The following OSBPL8 variants were observed in gnomAD, a reference collection of about 807,000 sequenced individuals.
OSBPL8 encodes the protein oxysterol-binding protein-related protein 8.
OSBPL8 carries 59 observed loss-of-function variants against 125.5 expected under a neutral mutation model. The observed-to-expected ratio is 0.47, with a 90% confidence interval of 0.38 to 0.58. The LOEUF is 0.58. Among genes scored for constraint, OSBPL8 ranks in the 20% least tolerant of loss-of-function variants. The probability of loss-of-function intolerance (pLI) is 0.00; values close to 1 mark genes in which losing one functional copy is unlikely to be tolerated. For missense variants in OSBPL8, 758 were observed against 1,047.8 expected, an observed-to-expected ratio of 0.72 and a Z score of 3.82; for synonymous variants, 330 against 338.9, an observed-to-expected ratio of 0.97 and a Z score of 0.29.
chr12:76,428,167 T>C lies in OSBPL8; in HGVS notation c.218-17533A>G, dbSNP rs151147914. On this transcript the variant is annotated intron_variant, in intron 4 of 23. Transcript: ENST00000261183. ...CTTGCCACTGAAGAGACCAACTACA[T>C]ATATCATATATGGTCTAGTGGCTCT... 2.9e-3 allele frequency among the ~76,000 whole-genome samples: 444 copies of C among 152,148 alleles called. 2 individuals are homozygous for C. Among genetic ancestry groups the C allele is most frequent in the African/African-American group, 0.01 (427 of 41,542 alleles).
chr12:76,511,703 T>C (rs752372587), intron 1 of OSBPL8, among the ~76,000 whole-genome samples: 3 of 152,246 alleles, frequency 2.0e-5, no homozygotes, highest in Non-Finnish European at 4.4e-5. Context: ...CAGTTTCTTT[T>C]GCTGTGCAGA....
At chr12:76,410,749 C>T (rs957378024) in intron 4 of OSBPL8, 115 bp from the exon 5 acceptor site, 3 of 658,592 alleles carry the variant, frequency 4.6e-6, no homozygotes, top group African/African-American at 3.6e-5. Flanking sequence ...CCTGTACACA[C>T]AGCTTTAAAC....
chr12:76,375,577 C>T (rs1036275180), intron 16 of OSBPL8, among the ~76,000 whole-genome samples: 1 of 151,988 alleles, frequency 6.6e-6, no homozygotes, highest in Admixed American at 6.6e-5. Flanking sequence ...TGCAGATTCC[C>T]TATCTGTAAA....
At chr12:76,451,888 G>A (rs2136744804) in intron 3 of OSBPL8, among the ~76,000 whole-genome samples, 1 of 152,260 alleles carries the variant, frequency 6.6e-6, no homozygotes, top group Non-Finnish European at 1.5e-5. Context: ...GGAAGTCGAG[G>A]TAGGTGGATC....
chr12:76,448,471 G>T (rs1466451895), intron 4 of OSBPL8, among the ~76,000 whole-genome samples: 1 of 152,060 alleles, frequency 6.6e-6, no homozygotes, highest in Non-Finnish European at 1.5e-5. Flanking sequence ...AACCAGGTCA[G>T]TTGCATTGTT....
chr12:76,366,481 A>G (rs531958189), intron 21 of OSBPL8: 11 of 346,774 alleles, frequency 3.2e-5, no homozygotes, highest in South Asian at 2.5e-4. Flanking sequence ...GATTTTTATC[A>G]AAGAGCAACT....
chr12:76,448,675 G>A (rs2136711745), intron 4 of OSBPL8, among the ~76,000 whole-genome samples: 1 of 152,268 alleles, frequency 6.6e-6, no homozygotes, highest in Non-Finnish European at 1.5e-5. Flanking sequence ...CATGCTATAT[G>A]AAAGTGTTTC....
At chr12:76,424,074 C>T (rs1350650762) in intron 4 of OSBPL8, among the ~76,000 whole-genome samples, 1 of 151,962 alleles carries the variant, frequency 6.6e-6, no homozygotes, top group South Asian at 2.1e-4. Context: ...AATCTCAGCT[C>T]GCTGCCACCT....
At chr12:76,469,401 C>T (rs1875846502) in intron 2 of OSBPL8, among the ~76,000 whole-genome samples, 1 of 152,152 alleles carries the variant, frequency 6.6e-6, no homozygotes, top group Non-Finnish European at 1.5e-5. Flanking sequence ...CTGCATCTTT[C>T]TATTATCAGG....
chr12:76,456,902 T>G (rs886669465), intron 3 of OSBPL8, among the ~76,000 whole-genome samples: 1 of 152,212 alleles, frequency 6.6e-6, no homozygotes, highest in Admixed American at 6.5e-5. Flanking sequence ...CAACCACAGC[T>G]GCAGACCTCA....
At chr12:76,528,586 G>C (rs1243854654) in intron 1 of OSBPL8, among the ~76,000 whole-genome samples, 1 of 152,030 alleles carries the variant, frequency 6.6e-6, no homozygotes, top group Non-Finnish European at 1.5e-5. Flanking sequence ...GAAATTAAAT[G>C]AATCAAGTGA....
At chr12:76,445,987 A>G (rs1872685373) in intron 4 of OSBPL8, among the ~76,000 whole-genome samples, 1 of 152,192 alleles carries the variant, frequency 6.6e-6, no homozygotes, top group African/African-American at 2.4e-5. Context: ...TCTGAGTTTA[A>G]GTTCAAATTT....
chr12:76,491,853 G>T (rs1878749888), intron 1 of OSBPL8, among the ~76,000 whole-genome samples: 1 of 152,022 alleles, frequency 6.6e-6, no homozygotes, highest in Admixed American at 6.5e-5. Context: ...CTAAAAATTT[G>T]CAATATTAAC....
At chr12:76,399,719 A>G (rs1027822075) in intron 7 of OSBPL8, among the ~76,000 whole-genome samples, 154 bp downstream of exon 7, 12 of 152,326 alleles carry the variant, frequency 7.9e-5, no homozygotes, top group Middle Eastern at 3.4e-3. Flanking sequence ...GGGAACACAG[A>G]ACCTCCGGGA....
intron 3 of OSBPL8, among the ~76,000 whole-genome samples, chr12:76,452,927 T>A (rs1873588239): frequency 6.6e-6 from 1 of 152,120 alleles, no homozygotes; most frequent in Non-Finnish European, 1.5e-5. Flanking sequence ...AAAGGTCATC[T>A]CTTCAGAAAA....
At position 76,520,907 on chromosome 12, in the gene OSBPL8, T is replaced by G. The variant is rs73385550; in HGVS notation, c.-67-33289A>C. On this transcript the variant is annotated intron_variant, in intron 1 of 23. Coordinates refer to ENST00000261183, the MANE Select transcript of OSBPL8 (RefSeq NM_020841.5). ...CACTAATCAAGGGTCCACCCAATAG[T>G]TGCTTCCCATGATGCTCTAAAGTAC... Among the ~76,000 whole-genome samples the G allele has an allele frequency of 8.3e-3, 1,258 of 152,312 alleles. 16 individuals are homozygous for G. The highest frequency in any genetic ancestry group is 0.029 in the African/African-American group (1,195 of 41,574).
intron 1 of OSBPL8, among the ~76,000 whole-genome samples, chr12:76,497,722 G>A (rs1040097872): frequency 2.0e-5 from 3 of 152,168 alleles, no homozygotes; most frequent in African/African-American, 7.2e-5. Context: ...GGGCTTAAGT[G>A]CATAAGGTCC....
intron 2 of OSBPL8, among the ~76,000 whole-genome samples, chr12:76,472,077 C>T (rs77072130): frequency 0.045 from 6,840 of 152,214 alleles, 552 homozygotes; most frequent in African/African-American, 0.16. Context: ...CCCTAAAACT[C>T]ATAGAAAGAA....
intron 1 of OSBPL8, among the ~76,000 whole-genome samples, chr12:76,520,668 T>G (rs1287863747): frequency 6.6e-6 from 1 of 152,168 alleles, no homozygotes; most frequent in Non-Finnish European, 1.5e-5. Context: ...TATTCTTTAT[T>G]TCCACTAGCA....
Sources: gnomAD v4.1 joint callset for allele counts (sites outside exome capture counted in the v4.1 genomes callset) on GRCh38, gnomAD v4.1.1 for gene constraint, MANE v1.5 for transcripts, NCBI Gene and HGNC (gene_info 2026-07-23, HGNC 2026-07-21) for gene names.